Variants in PRKAG2 observed in about 807,000 individuals in gnomAD.
PRKAG2 encodes protein kinase AMP-activated non-catalytic subunit gamma 2, also known as 5'-AMP-activated protein kinase subunit gamma-2.
PRKAG2 carries 26 observed loss-of-function variants against 69.6 expected under a neutral mutation model. That is an observed-to-expected ratio of 0.37 (90% CI 0.27 to 0.52). PRKAG2 has a LOEUF of 0.52. Ranked by LOEUF, PRKAG2 falls within the 20% of genes least tolerant of loss-of-function variation. The pLI, the probability that PRKAG2 is intolerant of heterozygous loss-of-function variation, is 0.90. For synonymous variants in PRKAG2, 293 were observed against 285.0 expected (o/e 1.03, Z -0.28); for missense variants, 557 against 740.0 (o/e 0.75, Z 2.87).
At chr7:151,650,143 A>T (rs1585496251) in intron 4 of PRKAG2, among the ~76,000 whole-genome samples, 1 of 152,180 alleles carries the variant, frequency 6.6e-6, no homozygotes, top group East Asian at 1.9e-4. Context: ...ATTGCCTGGG[A>T]GGTGGAGGCT....
chr7:151,871,643 T>A (rs781254837), intron 1 of PRKAG2, among the ~76,000 whole-genome samples: 1 of 152,202 alleles, frequency 6.6e-6, no homozygotes, highest in South Asian at 2.1e-4. Flanking sequence ...ACTTAGTAGT[T>A]CTAGGTCTCC....
At chr7:151,693,268 G>C (rs1292022743) in intron 3 of PRKAG2, among the ~76,000 whole-genome samples, 1 of 152,222 alleles carries the variant, frequency 6.6e-6, no homozygotes, top group Admixed American at 6.5e-5. Flanking sequence ...GAGACCCGCA[G>C]CACAGGAGGC....
chr7:151,692,824 G>A (rs1157122479), intron 3 of PRKAG2, among the ~76,000 whole-genome samples: 29 of 152,074 alleles, frequency 1.9e-4, no homozygotes, highest in Admixed American at 1.9e-3. Context: ...TCTCCCTCTG[G>A]CCCAAAGGTC....
At chr7:151,672,876 G>C (rs995667222) in intron 4 of PRKAG2, among the ~76,000 whole-genome samples, 13 of 152,104 alleles carry the variant, frequency 8.5e-5, no homozygotes, top group South Asian at 2.1e-4. Flanking sequence ...CTGAGTATGG[G>C]ACACAGCTGA....
chr7:151,603,967 TAG>T (rs150048745), intron 5 of PRKAG2, among the ~76,000 whole-genome samples: 21,621 of 152,132 alleles, frequency 0.14, 1,612 homozygotes, highest in East Asian at 0.26. Context: ...AATCCAATCC[TAG>T]GTTAGGAGCG....
At chr7:151,559,929 G>C in intron 15 of PRKAG2, 1 of 985,274 alleles carries the variant, frequency 1.0e-6, no homozygotes, top group Non-Finnish European at 1.2e-6. Context: ...TGAGAGGAAG[G>C]CCAGCTCCTC....
chr7:151,736,039 C>A, intron 3 of PRKAG2: 1 of 1,535,666 alleles, frequency 6.5e-7, no homozygotes, highest in Non-Finnish European at 8.7e-7. Context: ...CATATCAGGA[C>A]CCACAGAACC....
chr7:151,687,752 C>T (rs1211566443), intron 3 of PRKAG2, among the ~76,000 whole-genome samples: 1 of 152,208 alleles, frequency 6.6e-6, no homozygotes, highest in Non-Finnish European at 1.5e-5. Context: ...CAGGGCCTTG[C>T]TCCATTCCAG....
At chr7:151,728,429 AG>A (rs1290180946) in intron 3 of PRKAG2, among the ~76,000 whole-genome samples, 1 of 152,110 alleles carries the variant, frequency 6.6e-6, no homozygotes. Flanking sequence ...GCCCTGAGTG[AG>A]GTCCTGTCTC....
chr7:151,557,742 C>T (rs6963427), intron 15 of PRKAG2: 255,423 of 434,848 alleles, frequency 0.59, 78,567 homozygotes, highest in East Asian at 0.71. Flanking sequence ...TAGTGGCGGG[C>T]GCCTGTAATC....
intron 3 of PRKAG2, among the ~76,000 whole-genome samples, chr7:151,688,049 C>A (rs537219742): frequency 2.1e-5 from 3 of 144,518 alleles, no homozygotes; most frequent in East Asian, 2.0e-4. Context: ...GAGGCCCCCC[C>A]CCGGGCTCCT....
chr7:151,872,046 C>T (rs1372060675), intron 1 of PRKAG2, among the ~76,000 whole-genome samples: 2 of 152,224 alleles, frequency 1.3e-5, no homozygotes, highest in Non-Finnish European at 2.9e-5. Context: ...TCCTCTGAGG[C>T]TGGGGTGAGG....
chr7:151,808,264 G>A (rs954854007), intron 1 of PRKAG2, among the ~76,000 whole-genome samples: 4 of 152,200 alleles, frequency 2.6e-5, no homozygotes, highest in East Asian at 1.9e-4. Context: ...TGGCTGAACC[G>A]CAGTGCCTCG....
chr7:151,658,599 A>G (rs1158901265), intron 4 of PRKAG2, among the ~76,000 whole-genome samples: 2 of 152,194 alleles, frequency 1.3e-5, no homozygotes, highest in Non-Finnish European at 2.9e-5. Flanking sequence ...TAACATTTTC[A>G]AAAATTATTT....
intron 3 of PRKAG2, among the ~76,000 whole-genome samples, chr7:151,748,761 A>T (rs1005343414): frequency 6.6e-6 from 1 of 152,224 alleles, no homozygotes; most frequent in African/African-American, 2.4e-5. Context: ...CCTTTGGCAA[A>T]AGCTAAAATA....
rs779526669 is a variant in PRKAG2, at chr7:151,675,619, G to A, written c.485C>T (p.Ser162Phe). The change falls in exon 4 of 16, where the codon TCT becomes TTT. Residue 162 changes from serine to phenylalanine, a missense_variant. By Grantham distance (155) the Ser-to-Phe change is radical (BLOSUM62 -2). Transcript: ENST00000287878. ...RSRKTSGLSS[S>F]PSTPTQVTKQ... ...GGTCACTTGGGTGGGTGTTGACGGA[G>A]AGGAGGAGAGGCCGGAGGCTGCAGA... 10 of 1,613,836 alleles carry A rather than the reference G, an allele frequency of 6.2e-6. No individual in the cohort carries two copies. Among genetic ancestry groups the A allele is most frequent in the Non-Finnish European group, 8.5e-6 (10 of 1,179,670 alleles).
intron 8 of PRKAG2, among the ~76,000 whole-genome samples, chr7:151,573,972 T>C (rs1013853099): frequency 9.9e-5 from 15 of 151,988 alleles, no homozygotes; most frequent in African/African-American, 3.4e-4. Flanking sequence ...AGAGACAGGG[T>C]TTCACTATGT....
chr7:151,742,990 G>A (rs2074006918), intron 3 of PRKAG2, among the ~76,000 whole-genome samples: 1 of 152,148 alleles, frequency 6.6e-6, no homozygotes, highest in Non-Finnish European at 1.5e-5. Flanking sequence ...GCATACGTGG[G>A]CGGGGGAAAG....
intron 3 of PRKAG2, among the ~76,000 whole-genome samples, chr7:151,754,860 G>A (rs904228326): frequency 1.3e-5 from 2 of 151,966 alleles, no homozygotes; most frequent in African/African-American, 2.4e-5. Flanking sequence ...CCTTCCTTCC[G>A]AAGGCCACTG....
Sources: gnomAD v4.1 joint callset for allele counts (sites outside exome capture counted in the v4.1 genomes callset) on GRCh38, gnomAD v4.1.1 for gene constraint, MANE v1.5 for transcripts, NCBI Gene and HGNC (gene_info 2026-07-23, HGNC 2026-07-21) for gene names.